NRCAM: variants seen among roughly 807,000 people sequenced by gnomAD.
NRCAM encodes neuronal cell adhesion molecule.
Under a neutral mutation model 156.5 loss-of-function variants are expected in NRCAM, and 83 were observed. The observed-to-expected ratio is 0.53, with a 90% CI of 0.44 to 0.64. The LOEUF is 0.64. Among genes scored for constraint, NRCAM ranks in the 30% least tolerant of loss-of-function variants. The probability of loss-of-function intolerance (pLI) is 0.00; values close to 1 mark genes in which losing one functional copy is unlikely to be tolerated. For synonymous variants in NRCAM, 538 were observed against 563.9 expected (o/e 0.95, Z 0.65); for missense variants, 1,417 against 1,597.3 (o/e 0.89, Z 1.92).
intron 2 of NRCAM, among the ~76,000 whole-genome samples, chr7:108,367,736 G>A (rs570126162): frequency 1.3e-5 from 2 of 152,254 alleles, no homozygotes; most frequent in East Asian, 3.9e-4. Context: ...TATGTTGTAA[G>A]TGAAAATTTT....
intron 1 of NRCAM, among the ~76,000 whole-genome samples, chr7:108,436,283 T>A (rs1419485251): frequency 6.6e-6 from 1 of 152,224 alleles, no homozygotes; most frequent in African/African-American, 2.4e-5. Context: ...GTGAGTTTTA[T>A]AAAGATTCTG....
Position 108,150,020 on chromosome 7 carries a change from C to A in NRCAM, c.3805G>T (p.Asp1269Tyr). 6.2e-7 allele frequency: 1 copy of A among 1,614,092 alleles called. No individual in the cohort carries two copies. The highest frequency in any genetic ancestry group is 8.5e-7 in the Non-Finnish European group (1 of 1,179,948). Residue 1269 changes from aspartate to tyrosine, a missense_variant, in exon 33 of 33, where the codon GAT becomes TAT. Transcript: ENST00000379028. ...GEGVNGQFNE[D>Y]GSFIGQYSGK... ...CTGTATTGTCCAATAAAGGAGCCATCCTCATTGAACTGGCCATTAACCCCT... is the reference window on the plus strand; with the variant it reads ...CTGTATTGTCCAATAAAGGAGCCATACTCATTGAACTGGCCATTAACCCCT...
intron 26 of NRCAM, among the ~76,000 whole-genome samples, chr7:108,177,696 T>C (rs1331139800): frequency 1.0e-4 from 2 of 19,856 alleles, no homozygotes; most frequent in Non-Finnish European, 4.8e-4. Flanking sequence ...TATATATATA[T>C]ACACGTATAT....
chr7:108,271,240 A>G (rs1047934037), intron 3 of NRCAM, among the ~76,000 whole-genome samples: 2 of 152,192 alleles, frequency 1.3e-5, no homozygotes, highest in Non-Finnish European at 2.9e-5. Context: ...CATATACTTA[A>G]AGATTTACAT....
chr7:108,339,008 C>T (rs1210158637), intron 2 of NRCAM, among the ~76,000 whole-genome samples: 1 of 152,248 alleles, frequency 6.6e-6, no homozygotes, highest in Non-Finnish European at 1.5e-5. Flanking sequence ...GAGCACACCT[C>T]ACCAGTTCAG....
intron 1 of NRCAM, among the ~76,000 whole-genome samples, chr7:108,417,136 T>C (rs1802578552): frequency 6.6e-6 from 1 of 152,340 alleles, no homozygotes; most frequent in South Asian, 2.1e-4. Flanking sequence ...CTCCATTTGA[T>C]CAAATAATAC....
In NRCAM at chr7:108,224,654, T is replaced by C. The variant is rs372140490; in HGVS notation, c.779-818A>G. Reference sequence around the variant, plus strand: ...TCAACTCTTTAATGCATTATCTACTTGATGCTTATAAAAATTTAATGAAAA... The same window carrying C: ...TCAACTCTTTAATGCATTATCTACTCGATGCTTATAAAAATTTAATGAAAA... On this transcript the variant is annotated intron_variant, in intron 10 of 32. Coordinates refer to ENST00000379028, the MANE Select transcript of NRCAM (RefSeq NM_001037132.4). Among the ~76,000 whole-genome samples the C allele has an allele frequency of 5.9e-5, 9 of 152,110 alleles. No homozygotes were observed. The East Asian group carries it at 1.3e-3, about 23-fold the overall frequency.
intron 2 of NRCAM, among the ~76,000 whole-genome samples, chr7:108,327,916 A>G (rs2099087076): frequency 1.3e-5 from 2 of 152,300 alleles, no homozygotes; most frequent in Non-Finnish European, 2.9e-5. Flanking sequence ...AACATCAGGC[A>G]TGCAGAAAAT....
At chr7:108,319,698 T>C (rs1341069585) in intron 2 of NRCAM, among the ~76,000 whole-genome samples, 2 of 152,174 alleles carry the variant, frequency 1.3e-5, no homozygotes, top group African/African-American at 2.4e-5. Flanking sequence ...CAGACTTTTC[T>C]AAGGAAATGA....
At chr7:108,428,330 A>C (rs1186197002) in intron 1 of NRCAM, among the ~76,000 whole-genome samples, 3 of 152,196 alleles carry the variant, frequency 2.0e-5, no homozygotes, top group African/African-American at 7.2e-5. Context: ...TTGTGCCTAC[A>C]TATATTAGTG....
intron 11 of NRCAM, among the ~76,000 whole-genome samples, chr7:108,214,506 TATTA>T (rs2086736551): frequency 6.6e-6 from 1 of 152,218 alleles, no homozygotes. Flanking sequence ...CTTTCTTCTT[TATTA>T]GTCTGGCTAG....
chr7:108,156,543 AGCATATAATCACATTTG>A (rs2045599963), intron 32 of NRCAM: 1 of 305,590 alleles, frequency 3.3e-6, no homozygotes, highest in Admixed American at 6.5e-5. Flanking sequence ...ACAGGGTTAT[AGCATATAATCACATTTG>A]GCCACCAGTG....
chr7:108,181,493 T>C (rs930305126), intron 24 of NRCAM, among the ~76,000 whole-genome samples: 4 of 152,228 alleles, frequency 2.6e-5, no homozygotes, highest in Admixed American at 2.6e-4. Flanking sequence ...ATGTGGTCCA[T>C]ATTGCTTTAA....
chr7:108,225,571 G>T, intron 10 of NRCAM, 74 bp downstream of exon 10: 1 of 865,632 alleles, frequency 1.2e-6, no homozygotes, highest in Non-Finnish European at 2.0e-6. Flanking sequence ...AGGTTAAATA[G>T]TCATGGAGGT....
At chr7:108,156,345 G>A (rs1397093743) in intron 32 of NRCAM, 2 of 984,148 alleles carry the variant, frequency 2.0e-6, no homozygotes, top group Non-Finnish European at 2.4e-6. Context: ...GGTTTATTCT[G>A]GTTTTAAGGA....
intron 3 of NRCAM, among the ~76,000 whole-genome samples, chr7:108,286,497 G>A (rs889596443): frequency 2.0e-5 from 3 of 151,994 alleles, no homozygotes; most frequent in African/African-American, 7.2e-5. Flanking sequence ...AAGGAAGGAG[G>A]TGGAAGAAAA....
At chr7:108,407,965 T>C (rs770846897) in intron 1 of NRCAM, among the ~76,000 whole-genome samples, 4 of 152,246 alleles carry the variant, frequency 2.6e-5, no homozygotes, top group Non-Finnish European at 5.9e-5. Context: ...GTGGTTGTAA[T>C]GTGAAGCCAA....
At chr7:108,299,439 C>T (rs1480825309) in intron 3 of NRCAM, among the ~76,000 whole-genome samples, 1 of 152,072 alleles carries the variant, frequency 6.6e-6, no homozygotes, top group Non-Finnish European at 1.5e-5. Context: ...AATGACACTA[C>T]AGTCCAAGAA....
chr7:108,165,271 GA>G (rs1266425859), intron 30 of NRCAM, among the ~76,000 whole-genome samples: 1 of 152,120 alleles, frequency 6.6e-6, no homozygotes, highest in East Asian at 1.9e-4. Context: ...TCTGGAGACG[GA>G]ACGACAAGCT....
Sources: gnomAD v4.1 joint callset for allele counts (sites outside exome capture counted in the v4.1 genomes callset) on GRCh38, gnomAD v4.1.1 for gene constraint, MANE v1.5 for transcripts, NCBI Gene and HGNC (gene_info 2026-07-23, HGNC 2026-07-21) for gene names.